The following DMD variants were observed in gnomAD, a reference collection of about 807,000 sequenced individuals.
DMD encodes the protein mutant dystrophin.
DMD carries 63 observed loss-of-function variants against 330.1 expected under a neutral mutation model. The observed-to-expected ratio is 0.19, with a 90% CI of 0.16 to 0.24. DMD has a LOEUF of 0.24. Ranked by LOEUF, DMD falls within the 10% of genes least tolerant of loss-of-function variation. DMD has a pLI of 1.00. For missense variants in DMD, 3,344 were observed against 2,684.1 expected (o/e 1.25, Z -5.43); for synonymous variants, 1,223 against 959.8 (o/e 1.27, Z -5.07).
intron 47 of DMD, among the ~76,000 whole-genome samples, chrX:31,910,575 G>A (rs2094535015): frequency 8.9e-6 from 1 of 111,979 alleles, no homozygotes; most frequent in African/African-American, 3.2e-5. Flanking sequence ...CAAACTAAAT[G>A]CCTGACACAT....
At chrX:32,456,372 A>G (rs963182791) in intron 25 of DMD, among the ~76,000 whole-genome samples, 7 of 111,188 alleles carry the variant, frequency 6.3e-5, no homozygotes, top group African/African-American at 2.3e-4. Context: ...TATTTTGTGC[A>G]GTCAATGAAC....
At chrX:32,738,725 A>G (rs1033787783) in intron 7 of DMD, among the ~76,000 whole-genome samples, 4 of 111,763 alleles carry the variant, frequency 3.6e-5, no homozygotes, top group African/African-American at 9.7e-5. Context: ...GAACATCCAT[A>G]ATAACACAAG....
chrX:32,505,448 T>C (rs1334805169), intron 18 of DMD, among the ~76,000 whole-genome samples: 2 of 111,683 alleles, frequency 1.8e-5, no homozygotes, highest in Admixed American at 9.5e-5. Context: ...GAATTACAAA[T>C]TAAACAATGA....
chrX:32,554,848 G>A (rs1360473278), intron 16 of DMD, among the ~76,000 whole-genome samples: 6 of 61,776 alleles, frequency 9.7e-5, no homozygotes, highest in Non-Finnish European at 1.8e-4. Flanking sequence ...GAGAGAGAGA[G>A]AGAGAGAGAG....
chrX:32,205,005 T>TCTCTCTCTCTCTCACACACA (rs60181300), intron 44 of DMD, among the ~76,000 whole-genome samples: 23 of 29,191 alleles, frequency 7.9e-4, no homozygotes, highest in Non-Finnish European at 1.4e-3. Context: ...TCTCTCTCTC[T>TCTCTCTCTCTCTCACACACA]CACATACACA....
chrX:33,016,369 G>A (rs112592111), intron 2 of DMD, among the ~76,000 whole-genome samples: 12 of 111,710 alleles, frequency 1.1e-4, no homozygotes, highest in Admixed American at 2.9e-4. Context: ...GACATACAGC[G>A]TAGAAGGTAT....
At chrX:31,908,577 G>A (rs2094507105) in intron 47 of DMD, among the ~76,000 whole-genome samples, 1 of 108,742 alleles carries the variant, frequency 9.2e-6, no homozygotes, top group Non-Finnish European at 1.9e-5. Context: ...GTGGGGTGGG[G>A]GGCTGGGGAG....
chrX:32,754,601 C>T (rs1396963282), intron 7 of DMD, among the ~76,000 whole-genome samples: 1 of 109,988 alleles, frequency 9.1e-6, no homozygotes, highest in African/African-American at 3.3e-5. Context: ...CCTGATGAGA[C>T]CATCACAACC....
intron 5 of DMD, among the ~76,000 whole-genome samples, chrX:32,819,011 T>G (rs1480564910): frequency 9.8e-6 from 1 of 101,946 alleles, no homozygotes; most frequent in Non-Finnish European, 2.0e-5. Flanking sequence ...AGGTGTTTTT[T>G]TTTTTTTTTT....
chrX:32,552,453 C>A (rs1007049702), intron 16 of DMD, among the ~76,000 whole-genome samples: 1 of 111,480 alleles, frequency 9.0e-6, no homozygotes, highest in Non-Finnish European at 1.9e-5. Context: ...AATCTAAAAC[C>A]AACAACTATA....
intron 33 of DMD, among the ~76,000 whole-genome samples, chrX:32,381,907 G>C (rs1021275123): frequency 3.6e-5 from 4 of 110,750 alleles, no homozygotes; most frequent in African/African-American, 1.3e-4. Context: ...TCTGCGATAC[G>C]TAGTGGACTC....
At chrX:32,815,969 G>A (rs2077727718) in intron 6 of DMD, among the ~76,000 whole-genome samples, 1 of 111,156 alleles carries the variant, frequency 9.0e-6, no homozygotes, top group Non-Finnish European at 1.9e-5. Context: ...AGTATACAGG[G>A]CTTTATGGTG....
intron 44 of DMD, among the ~76,000 whole-genome samples, chrX:32,095,019 A>G (rs968501674): frequency 9.0e-6 from 1 of 111,547 alleles, no homozygotes; most frequent in Non-Finnish European, 1.9e-5. Context: ...ATGGGGCTAG[A>G]AAAACATGAG....
intron 41 of DMD, among the ~76,000 whole-genome samples, chrX:32,322,760 T>TC (rs1340868529): frequency 9.0e-6 from 1 of 110,996 alleles, no homozygotes; most frequent in Non-Finnish European, 1.9e-5. Flanking sequence ...GAAACAATAG[T>TC]AGCTTGAAGA....
In DMD at chrX:32,699,300, G is replaced by A. The variant is rs759997772; in HGVS notation, c.650-7C>T. Reference sequence around the variant, plus strand: ...GGATAGGTGGTATCAACATCTGTAAGCACATTAACACTACACATCAATTTT... The same window carrying A: ...GGATAGGTGGTATCAACATCTGTAAACACATTAACACTACACATCAATTTT... On this transcript the variant is annotated splice_polypyrimidine_tract_variant and splice_region_variant and intron_variant, in intron 7 of 78. Coordinates refer to ENST00000357033, the MANE Select transcript of DMD (RefSeq NM_004006.3). 27 of 1,186,578 alleles carry A rather than the reference G, an allele frequency of 2.3e-5. No homozygotes were observed. The highest frequency in any genetic ancestry group is 3.1e-5 in the Non-Finnish European group (27 of 873,029).
intron 78 of DMD, among the ~76,000 whole-genome samples, chrX:31,123,771 G>GACTATA (rs2033184884): frequency 8.9e-6 from 1 of 111,771 alleles, no homozygotes. Context: ...GCCCACATGT[G>GACTATA]ACTATAGTAT....
At chrX:31,430,744 C>G (rs1250391354) in intron 60 of DMD, among the ~76,000 whole-genome samples, 1 of 107,780 alleles carries the variant, frequency 9.3e-6, no homozygotes, top group East Asian at 2.9e-4. Flanking sequence ...GAATGCCAGA[C>G]CTAAGAATTG....
At chrX:32,853,480 T>C (rs2081295007) in intron 2 of DMD, among the ~76,000 whole-genome samples, 1 of 111,666 alleles carries the variant, frequency 9.0e-6, no homozygotes, top group African/African-American at 3.3e-5. Flanking sequence ...TTAATTAGTT[T>C]TCTCTTTGCT....
intron 7 of DMD, among the ~76,000 whole-genome samples, chrX:32,705,631 C>T (rs2064553406): frequency 9.0e-6 from 1 of 111,413 alleles, no homozygotes; most frequent in Middle Eastern, 4.6e-3. Flanking sequence ...CTGGCCAACA[C>T]GGTGAAAAGC....
Sources: gnomAD v4.1 joint callset for allele counts (sites outside exome capture counted in the v4.1 genomes callset) on GRCh38, gnomAD v4.1.1 for gene constraint, MANE v1.5 for transcripts, NCBI Gene and HGNC (gene_info 2026-07-23, HGNC 2026-07-21) for gene names.